Variants in DCC observed in about 807,000 individuals in gnomAD.
DCC encodes DCC netrin 1 receptor.
A neutral mutation model predicts 172.5 loss-of-function variants in DCC; 58 were observed. The observed-to-expected ratio is 0.34, with a 90% confidence interval of 0.27 to 0.42. The LOEUF is 0.42. Among genes scored for constraint, DCC ranks in the 10% least tolerant of loss-of-function variants. DCC has a pLI of 1.00. For missense variants in DCC, 1,740 were observed against 1,791.0 expected, an observed-to-expected ratio of 0.97 and a Z score of 0.51; for synonymous variants, 709 against 644.5, an observed-to-expected ratio of 1.10 and a Z score of -1.52.
chr18:52,743,175 G>C (rs561800153), intron 1 of DCC, among the ~76,000 whole-genome samples: 2 of 152,192 alleles, frequency 1.3e-5, no homozygotes, highest in African/African-American at 4.8e-5. Flanking sequence ...CATGCACTGG[G>C]TACTCCTTAA....
chr18:52,833,110 G>C (rs1302857144), intron 2 of DCC, among the ~76,000 whole-genome samples: 1 of 152,074 alleles, frequency 6.6e-6, no homozygotes, highest in South Asian at 2.1e-4. Flanking sequence ...TTGTACCTCA[G>C]CTTTAATTAC....
At chr18:52,826,428 T>C (rs918270369) in intron 2 of DCC, among the ~76,000 whole-genome samples, 1 of 152,146 alleles carries the variant, frequency 6.6e-6, no homozygotes, top group Non-Finnish European at 1.5e-5. Flanking sequence ...TTGAAACATT[T>C]TGGAGTCTTG....
chr18:53,450,169 GCATA>G (rs2045390688), intron 22 of DCC, among the ~76,000 whole-genome samples: 1 of 148,796 alleles, frequency 6.7e-6, no homozygotes, highest in Non-Finnish European at 1.5e-5. Flanking sequence ...ACATACATAT[GCATA>G]CATACATACA....
At chr18:53,043,774 C>T (rs1197971232) in intron 5 of DCC, among the ~76,000 whole-genome samples, 1 of 151,874 alleles carries the variant, frequency 6.6e-6, no homozygotes, top group Non-Finnish European at 1.5e-5. Context: ...AATCTCATTA[C>T]TCTGAGTTAG....
intron 15 of DCC, among the ~76,000 whole-genome samples, chr18:53,376,750 A>G (rs1177678362): frequency 6.6e-6 from 1 of 152,178 alleles, no homozygotes; most frequent in African/African-American, 2.4e-5. Flanking sequence ...TTTCTTCCCT[A>G]TATCAAATAT....
At chr18:53,489,287 G>T (rs1309663150) in intron 26 of DCC, among the ~76,000 whole-genome samples, 1 of 152,062 alleles carries the variant, frequency 6.6e-6, no homozygotes, top group Non-Finnish European at 1.5e-5. Flanking sequence ...AGAACTTTTT[G>T]AGCAAAGCTA....
chr18:53,404,175 A>G (rs898442585), intron 19 of DCC, among the ~76,000 whole-genome samples: 4 of 152,052 alleles, frequency 2.6e-5, no homozygotes, highest in Non-Finnish European at 4.4e-5. Flanking sequence ...TCAATTATTT[A>G]TAAGCTTATG....
chr18:52,703,109 T>G (rs945214863), intron 1 of DCC, among the ~76,000 whole-genome samples: 5 of 152,214 alleles, frequency 3.3e-5, no homozygotes, highest in African/African-American at 1.2e-4. Context: ...CTAACCACTC[T>G]TACTATAATC....
intron 2 of DCC, among the ~76,000 whole-genome samples, chr18:52,813,825 T>G (rs2038242252): frequency 6.6e-6 from 1 of 152,186 alleles, no homozygotes; most frequent in Non-Finnish European, 1.5e-5. Context: ...GATATTGGTC[T>G]TTTCTGGCCT....
Position 53,063,331 on chromosome 18 carries a change from T to C in DCC, c.1012T>C (p.Ser338Pro). 1 of 1,613,514 alleles carries C rather than the reference T, an allele frequency of 6.2e-7. No individual in the cohort carries two copies. Among genetic ancestry groups the C allele is most frequent in the Non-Finnish European group, 8.5e-7 (1 of 1,179,600 alleles). Reference sequence around the variant, plus strand: ...TCCGCCATGGTTTTTAAATCATCCTTCCAACCTGTATGCCTATGAAAGCAT... The same window carrying C: ...TCCGCCATGGTTTTTAAATCATCCTCCCAACCTGTATGCCTATGAAAGCAT... Reference protein sequence around the residue: ...LVPPWFLNHPSNLYAYESMDI... With the variant: ...LVPPWFLNHPPNLYAYESMDI... Residue 338 changes from serine to proline, a missense_variant, in exon 6 of 29, where the codon TCC becomes CCC. Around this residue, in one of 2 missense-constraint regions of DCC, gnomAD observed 1,732 missense variants for 1,767.4 expected, o/e 0.98. Coordinates refer to ENST00000442544, the MANE Select transcript of DCC (RefSeq NM_005215.4).
chr18:52,670,639 A>G (rs2035534870), intron 1 of DCC, among the ~76,000 whole-genome samples: 1 of 152,186 alleles, frequency 6.6e-6, no homozygotes, highest in Non-Finnish European at 1.5e-5. Context: ...CAGGAGTTCA[A>G]GACCAGCCTA....
chr18:52,572,449 A>T (rs2033321243), intron 1 of DCC, among the ~76,000 whole-genome samples: 1 of 152,124 alleles, frequency 6.6e-6, no homozygotes, highest in Non-Finnish European at 1.5e-5. Context: ...GTCTCCACTG[A>T]TGACAGCTGA....
At chr18:53,214,462 G>A (rs1365080199) in intron 11 of DCC, among the ~76,000 whole-genome samples, 1 of 152,056 alleles carries the variant, frequency 6.6e-6, no homozygotes, top group Non-Finnish European at 1.5e-5. Flanking sequence ...TAAATTCAGA[G>A]TATGGCATAA....
At chr18:52,492,050 A>G (rs1386837059) in intron 1 of DCC, among the ~76,000 whole-genome samples, 1 of 152,056 alleles carries the variant, frequency 6.6e-6, no homozygotes, top group Non-Finnish European at 1.5e-5. Context: ...CGGATATAGC[A>G]TGAAGACCAG....
At chr18:52,601,626 G>A (rs941199286) in intron 1 of DCC, among the ~76,000 whole-genome samples, 1 of 151,906 alleles carries the variant, frequency 6.6e-6, no homozygotes, top group African/African-American at 2.4e-5. Context: ...AGTTAGCATG[G>A]ATAGCTTACC....
At chr18:53,398,346 C>T (rs1909085782) in intron 18 of DCC, among the ~76,000 whole-genome samples, 1 of 152,068 alleles carries the variant, frequency 6.6e-6, no homozygotes, top group African/African-American at 2.4e-5. Flanking sequence ...TTTTACATAT[C>T]TGTGGATACT....
At chr18:53,279,344 G>GT (rs777551683) in intron 12 of DCC, among the ~76,000 whole-genome samples, 9 of 151,824 alleles carry the variant, frequency 5.9e-5, no homozygotes, top group African/African-American at 1.9e-4. Flanking sequence ...CATGTCCTTT[G>GT]TAGGGACATG....
chr18:53,107,289 C>T (rs759756436), intron 7 of DCC, among the ~76,000 whole-genome samples: 13 of 151,726 alleles, frequency 8.6e-5, no homozygotes, highest in Non-Finnish European at 1.5e-4. Flanking sequence ...TGCAGAATAA[C>T]CACAAAGAGT....
chr18:52,384,349 A>G (rs910859356), intron 1 of DCC, among the ~76,000 whole-genome samples: 1 of 152,122 alleles, frequency 6.6e-6, no homozygotes, highest in Admixed American at 6.6e-5. Context: ...TGTGTGAATC[A>G]TTTTGTTCCC....
Sources: gnomAD v4.1 joint callset for allele counts (sites outside exome capture counted in the v4.1 genomes callset) on GRCh38, gnomAD v4.1.1 for gene constraint, gnomAD v4.1.1 regional missense constraint, MANE v1.5 for transcripts, NCBI Gene and HGNC (gene_info 2026-07-23, HGNC 2026-07-21) for gene names.